TNIK: variants seen among roughly 807,000 people sequenced by gnomAD.
The protein encoded by TNIK is TRAF2 and NCK interacting kinase.
A neutral mutation model predicts 191.3 loss-of-function variants in TNIK; 49 were observed. That is an observed-to-expected ratio of 0.26 (90% CI 0.20 to 0.32). The LOEUF is 0.32. Ranked by LOEUF, TNIK falls within the 10% of genes least tolerant of loss-of-function variation. TNIK has a pLI of 1.00. For missense variants in TNIK, 1,155 were observed against 1,702.3 expected (o/e 0.68, Z 5.66); for synonymous variants, 594 against 600.9 (o/e 0.99, Z 0.17).
intron 1 of TNIK, among the ~76,000 whole-genome samples, chr3:171,453,850 C>A (rs894519185): frequency 6.6e-6 from 1 of 152,006 alleles, no homozygotes; most frequent in Admixed American, 6.5e-5. Context: ...ATGAGACAAC[C>A]AGGACATGTA....
chr3:171,229,078 T>C (rs1018225253), intron 2 of TNIK, among the ~76,000 whole-genome samples: 1 of 152,200 alleles, frequency 6.6e-6, no homozygotes, highest in South Asian at 2.1e-4. Context: ...TGCATGACCT[T>C]AGGCAAGCCC....
intron 28 of TNIK, among the ~76,000 whole-genome samples, chr3:171,075,557 G>A (rs957684327): frequency 6.6e-6 from 1 of 152,154 alleles, no homozygotes; most frequent in Non-Finnish European, 1.5e-5. Flanking sequence ...ATTCCCGCAT[G>A]TGGTCTGGTT....
chr3:171,254,151 T>C (rs191825404), intron 2 of TNIK, among the ~76,000 whole-genome samples: 2 of 152,356 alleles, frequency 1.3e-5, no homozygotes, highest in Admixed American at 6.5e-5. Flanking sequence ...CCAGTACTTG[T>C]GGAACAACAG....
At chr3:171,182,606 A>T (rs1736807346) in intron 7 of TNIK, among the ~76,000 whole-genome samples, 1 of 152,158 alleles carries the variant, frequency 6.6e-6, no homozygotes, top group Admixed American at 6.5e-5. Context: ...AGAGAGACAA[A>T]TTCTAGTGCC....
intron 2 of TNIK, among the ~76,000 whole-genome samples, chr3:171,288,828 A>G (rs988913399): frequency 4.0e-5 from 6 of 148,886 alleles, no homozygotes; most frequent in Admixed American, 4.0e-4. Context: ...AAAAAAGTCA[A>G]TGGCTGGCAG....
intron 15 of TNIK, among the ~76,000 whole-genome samples, chr3:171,131,683 G>A (rs549487741): frequency 2.0e-5 from 3 of 152,302 alleles, no homozygotes; most frequent in East Asian, 1.9e-4. Context: ...ATCTCATTAC[G>A]TACTTTGTCT....
intron 2 of TNIK, among the ~76,000 whole-genome samples, chr3:171,297,280 C>T (rs765704444): frequency 2.0e-4 from 31 of 152,168 alleles, no homozygotes; most frequent in Non-Finnish European, 3.5e-4. Flanking sequence ...AACACAGATG[C>T]CATGCCCATA....
At chr3:171,107,136 A>C (rs1478113534) in intron 21 of TNIK, 47 bp downstream of exon 21, 18 of 1,579,484 alleles carry the variant, frequency 1.1e-5, no homozygotes, top group Admixed American at 1.8e-5. Flanking sequence ...AAATAAGTTT[A>C]ATATTTACAT....
At position 171,288,051 on chromosome 3, in the gene TNIK, A is replaced by C. The variant is rs372278702; in HGVS notation, c.124-59830T>G. 5.3e-5 allele frequency among the ~76,000 whole-genome samples: 8 copies of C among 150,626 alleles called. No individual in the cohort carries two copies. The East Asian group carries it at 1.2e-3, about 22-fold the overall frequency. Reference sequence around the variant, plus strand: ...GATGAAATTGGAAACCATCATTCTCAGTAAACTATTGCAAGAACAAAAAAC... The same window carrying C: ...GATGAAATTGGAAACCATCATTCTCCGTAAACTATTGCAAGAACAAAAAAC... On this transcript the variant is annotated intron_variant, in intron 2 of 32. Coordinates refer to ENST00000436636, the MANE Select transcript of TNIK (RefSeq NM_015028.4).
At chr3:171,440,352 C>T (rs369176834) in intron 1 of TNIK, among the ~76,000 whole-genome samples, 51 of 152,250 alleles carry the variant, frequency 3.3e-4, no homozygotes, top group African/African-American at 1.2e-3. Context: ...GATTGCAACC[C>T]ATTAAACTCA....
At chr3:171,200,772 A>T (rs570540005) in intron 4 of TNIK, among the ~76,000 whole-genome samples, 39 of 152,314 alleles carry the variant, frequency 2.6e-4, no homozygotes, top group Admixed American at 1.7e-3. Context: ...ATTTAGTCTC[A>T]AAGGCAGTCA....
intron 1 of TNIK, among the ~76,000 whole-genome samples, chr3:171,372,950 C>T (rs1559988976): frequency 6.6e-6 from 1 of 152,106 alleles, no homozygotes; most frequent in East Asian, 1.9e-4. Context: ...CTCTTTGAAA[C>T]CCTAGATATG....
At chr3:171,067,298 A>C (rs192833790) in intron 30 of TNIK, among the ~76,000 whole-genome samples, 97 of 152,196 alleles carry the variant, frequency 6.4e-4, no homozygotes, top group African/African-American at 2.3e-3. Flanking sequence ...TATATATAGG[A>C]TTGTTTATCC....
chr3:171,257,607 T>C (rs953886378), intron 2 of TNIK, among the ~76,000 whole-genome samples: 6 of 152,196 alleles, frequency 3.9e-5, no homozygotes, highest in Non-Finnish European at 5.9e-5. Context: ...AATAAAAGCA[T>C]GAAGAACATG....
intron 1 of TNIK, among the ~76,000 whole-genome samples, chr3:171,441,979 G>A (rs541515917): frequency 7.6e-4 from 115 of 152,174 alleles, no homozygotes; most frequent in African/African-American, 2.7e-3. Flanking sequence ...TTGAAAACAT[G>A]GTTGAAATAA....
chr3:171,154,840 G>A (rs879629378), intron 12 of TNIK, among the ~76,000 whole-genome samples: 41 of 152,210 alleles, frequency 2.7e-4, no homozygotes, highest in Non-Finnish European at 5.6e-4. Flanking sequence ...GTCAAAAGCT[G>A]AGTCTTCTCT....
At chr3:171,446,527 TAA>T (rs1308078129) in intron 1 of TNIK, among the ~76,000 whole-genome samples, 2 of 152,202 alleles carry the variant, frequency 1.3e-5, no homozygotes, top group South Asian at 4.1e-4. Flanking sequence ...CCAACTACCA[TAA>T]AGTTGTGTCA....
At chr3:171,221,562 A>C (rs1377780716) in intron 3 of TNIK, among the ~76,000 whole-genome samples, 1 of 152,116 alleles carries the variant, frequency 6.6e-6, no homozygotes, top group Non-Finnish European at 1.5e-5. Context: ...TTAACTGCTA[A>C]ATGTCTTGTA....
At chr3:171,347,342 T>C in intron 2 of TNIK, 1 of 999,286 alleles carries the variant, frequency 1.0e-6, no homozygotes, top group Non-Finnish European at 1.4e-6. Context: ...ATGCCTGGTA[T>C]ACAAGTCCTA....
Sources: allele counts gnomAD v4.1 joint callset (sites outside exome capture counted in the v4.1 genomes callset), GRCh38; gene constraint gnomAD v4.1.1; transcripts MANE v1.5; gene names NCBI Gene and HGNC (gene_info 2026-07-23, HGNC 2026-07-21).